Variants in ITGAM observed in about 807,000 individuals in gnomAD.
ITGAM encodes the protein integrin subunit alpha M.
A neutral mutation model predicts 137.5 loss-of-function variants in ITGAM; 79 were observed. The ratio of observed to expected loss-of-function variants is 0.57; its 90% CI spans 0.48 to 0.69. The LOEUF (loss-of-function observed/expected upper bound fraction) is 0.69, where lower values mean the gene tolerates loss of function less well. Ranked by LOEUF, ITGAM falls within the 30% of genes least tolerant of loss-of-function variation. ITGAM has a pLI of 0.00. For missense variants in ITGAM, 1,343 were observed against 1,483.5 expected (o/e 0.91, Z 1.56); for synonymous variants, 583 against 592.3 (o/e 0.98, Z 0.23).
At chr16:31,299,308 T>C (rs2144387964) in intron 14 of ITGAM, among the ~76,000 whole-genome samples, 1 of 152,200 alleles carries the variant, frequency 6.6e-6, no homozygotes, top group Admixed American at 6.5e-5. Flanking sequence ...TTTGGCTGTT[T>C]TATTTTTTTT....
At chr16:31,314,112 G>A (rs147551310) in intron 14 of ITGAM, among the ~76,000 whole-genome samples, 108 of 151,886 alleles carry the variant, frequency 7.1e-4, no homozygotes, top group Non-Finnish European at 1.5e-3. Flanking sequence ...TATGTTCCTT[G>A]TAGATTCTGG....
intron 19 of ITGAM, 99 bp downstream of exon 19, chr16:31,325,130 C>A: frequency 6.8e-7 from 1 of 1,461,686 alleles, no homozygotes; most frequent in Non-Finnish European, 9.3e-7. Context: ...TGTTCCTGGG[C>A]TATAAGGTCC....
At chr16:31,328,926 G>A (rs1567282764) in intron 23 of ITGAM, 1 of 508,270 alleles carries the variant, frequency 2.0e-6, no homozygotes, top group East Asian at 3.6e-5. Flanking sequence ...GGATCTATGT[G>A]CATGTATGTG....
chr16:31,305,727 G>C (rs2080258362), intron 14 of ITGAM, among the ~76,000 whole-genome samples: 1 of 152,014 alleles, frequency 6.6e-6, no homozygotes, highest in South Asian at 2.1e-4. Flanking sequence ...TGATTATATA[G>C]TTTTCTTCTT....
chr16:31,319,836 G>A (rs141307508), intron 14 of ITGAM, among the ~76,000 whole-genome samples: 5,947 of 149,214 alleles, frequency 0.04, 429 homozygotes, highest in African/African-American at 0.14. Flanking sequence ...TTTTTGAGAC[G>A]GAATCTCATT....
intron 3 of ITGAM, 109 bp downstream of exon 3, chr16:31,265,607 C>A: frequency 3.8e-6 from 3 of 791,794 alleles, no homozygotes; most frequent in Non-Finnish European, 6.1e-6. Context: ...CAGGTGCCTG[C>A]CTCCGTACCC....
Position 31,321,466 on chromosome 16 carries a change from C to T in ITGAM, c.1841C>T (p.Ser614Phe), listed in dbSNP as rs1211760034. 1.9e-6 allele frequency: 3 copies of T among 1,613,882 alleles called. No homozygotes were observed. Among genetic ancestry groups the T allele is most frequent in the Non-Finnish European group, 2.5e-6 (3 of 1,179,828 alleles). The change falls in exon 16 of 30, where the codon TCC (serine) becomes TTC (phenylalanine). Residue 614 changes from serine (S) to phenylalanine (F), a missense_variant and splice_region_variant. Coordinates refer to ENST00000544665, the MANE Select transcript of ITGAM (RefSeq NM_000632.4). ...ATGGTTTTCTGGTGTCCCTTTAGGTCCCAGCCAGTACTGAGAGTCAAGGCA... is the reference window on the plus strand; with the variant it reads ...ATGGTTTTCTGGTGTCCCTTTAGGTTCCAGCCAGTACTGAGAGTCAAGGCA... ...GAQGHVLLLRSQPVLRVKAIM... is the reference protein window; with the variant it reads ...GAQGHVLLLRFQPVLRVKAIM...
intron 14 of ITGAM, among the ~76,000 whole-genome samples, chr16:31,302,987 TCTTTCTTTC>T (rs1442349682): frequency 1.4e-3 from 194 of 138,558 alleles, no homozygotes; most frequent in Non-Finnish European, 2.5e-3. Flanking sequence ...TTTCTTTCTT[TCTTTCTTTC>T]TTTTTCTTTC....
At chr16:31,325,460 G>A (rs746188572) in intron 20 of ITGAM, 40 bp from the exon 21 acceptor site, 15 of 1,613,120 alleles carry the variant, frequency 9.3e-6, no homozygotes, top group East Asian at 4.5e-5. Context: ...CCTCACGGCC[G>A]GAGGTGGATA....
chr16:31,297,130 C>T (rs1317166572), intron 12 of ITGAM, among the ~76,000 whole-genome samples: 1 of 152,096 alleles, frequency 6.6e-6, no homozygotes, highest in Non-Finnish European at 1.5e-5. Flanking sequence ...CCCATTGACT[C>T]TACTATAGGC....
In ITGAM at chr16:31,331,618, C is replaced by T. The variant is rs1027048812; in HGVS notation, c.3388-18C>T. 7.5e-6 allele frequency: 12 copies of T among 1,596,364 alleles called. No individual in the cohort carries two copies. The highest frequency in any genetic ancestry group is 1.7e-5 in the Admixed American group (1 of 57,316). On this transcript the variant is annotated intron_variant, in intron 29 of 29. Transcript: ENST00000544665. ...TCCCTGGCTGCTGTCGCTCTCACTG[C>T]CCTCCTCTGCCCCGCAGCTCGGCTT...
chr16:31,323,782 T>C (rs753800972), intron 16 of ITGAM, among the ~76,000 whole-genome samples: 6 of 152,024 alleles, frequency 3.9e-5, no homozygotes, highest in Non-Finnish European at 8.8e-5. Flanking sequence ...TCCTAGCGCT[T>C]TGGGAGGCTG....
intron 14 of ITGAM, among the ~76,000 whole-genome samples, chr16:31,319,430 T>A (rs1308132039): frequency 6.6e-6 from 1 of 152,302 alleles, no homozygotes; most frequent in Middle Eastern, 3.4e-3. Flanking sequence ...TTATATAATA[T>A]CATTATTTGT....
At chr16:31,286,293 G>A (rs2144345867) in intron 12 of ITGAM, among the ~76,000 whole-genome samples, 1 of 152,182 alleles carries the variant, frequency 6.6e-6, no homozygotes, top group African/African-American at 2.4e-5. Flanking sequence ...ATTGTGAATA[G>A]TGCTGTGATG....
At chr16:31,299,987 T>G (rs1210119319) in intron 14 of ITGAM, among the ~76,000 whole-genome samples, 1 of 152,034 alleles carries the variant, frequency 6.6e-6, no homozygotes, top group Non-Finnish European at 1.5e-5. Flanking sequence ...GTCTCCTGAG[T>G]AGCTGGGACT....
chr16:31,327,952 A>G, intron 22 of ITGAM, 195 bp from the exon 23 acceptor site: 1 of 580,442 alleles, frequency 1.7e-6, no homozygotes, highest in South Asian at 2.0e-5. Context: ...AGTTAGAAGA[A>G]GGTGGTTGCA....
chr16:31,302,543 T>C (rs932203269), intron 14 of ITGAM, among the ~76,000 whole-genome samples: 1 of 151,340 alleles, frequency 6.6e-6, no homozygotes, highest in Admixed American at 6.6e-5. Flanking sequence ...TTTGTTTTTG[T>C]TTTTGTTTTG....
At position 31,275,652 on chromosome 16, in the gene ITGAM, TGAA is replaced by T; in HGVS notation, c.965_967del (p.Lys322del). On this transcript the variant is annotated inframe_deletion, in exon 9 of 30. Coordinates refer to ENST00000544665, the MANE Select transcript of ITGAM (RefSeq NM_000632.4). ...TTCCAGGTGAATAACTTTGAGGCTC[TGAA>T]GACCATTCAGAACCAGCTTCGGGAG... The T allele has an allele frequency of 6.2e-7, 1 of 1,613,970 alleles. No homozygotes were observed. The highest frequency in any genetic ancestry group is 1.1e-5 in the South Asian group (1 of 91,078).
At position 31,331,691 on chromosome 16, in the gene ITGAM, G is replaced by A. The variant is rs2080586413; in HGVS notation, c.3443G>A (p.Gly1148Glu). 1 of 1,607,600 alleles carries A rather than the reference G, an allele frequency of 6.2e-7. No homozygotes were observed. Among genetic ancestry groups the A allele is most frequent in the African/African-American group, 1.3e-5 (1 of 74,806 alleles). ...ATGATGAGTGAAGGGGGTCCCCCGG[G>A]GGCCGAACCCCAGTAGCGGCTCCTT... is the stretch of plus-strand genomic sequence containing the variant. ...KDMMSEGGPP[G>E]AEPQ Residue 1148 changes from glycine (G) to glutamate (E), a missense_variant, in exon 30 of 30, where the codon GGG becomes GAG. Gly to Glu is a moderately conservative substitution (Grantham distance 98). Transcript: ENST00000544665.
Sources: allele counts gnomAD v4.1 joint callset (sites outside exome capture counted in the v4.1 genomes callset), GRCh38; gene constraint gnomAD v4.1.1; transcripts MANE v1.5; gene names NCBI Gene and HGNC (gene_info 2026-07-23, HGNC 2026-07-21).